Variants in PLB1 observed in about 807,000 individuals in gnomAD.
The protein encoded by PLB1 is phospholipase B1, membrane-associated.
PLB1 carries 242 observed loss-of-function variants against 227.4 expected under a neutral mutation model. The observed-to-expected ratio is 1.06, with a 90% confidence interval of 0.96 to 1.18. PLB1 has a LOEUF of 1.18. Among genes scored for constraint, PLB1 ranks in the 50% most tolerant of loss-of-function variants. The pLI is 0.00. For synonymous variants in PLB1, 757 were observed against 682.2 expected (o/e 1.11, Z -1.71); for missense variants, 1,858 against 1,816.3 (o/e 1.02, Z -0.42).
intron 25 of PLB1, 74 bp from the exon 26 acceptor site, chr2:28,585,687 C>A: frequency 8.2e-7 from 1 of 1,216,722 alleles, no homozygotes; most frequent in Non-Finnish European, 1.2e-6. Context: ...GAGTCTCAAG[C>A]CAGCGTTTCT....
At position 28,642,937 on chromosome 2, in the gene PLB1, G is replaced by A. The variant is rs577232334; in HGVS notation, c.4253G>A (p.Trp1418Ter). 2.5e-6 allele frequency: 4 copies of A among 1,609,178 alleles called. No individual in the cohort carries two copies. Among genetic ancestry groups the A allele is most frequent in the East Asian group, 2.2e-5 (1 of 44,728 alleles). The change falls in exon 58 of 58, where the codon TGG (tryptophan) becomes TAG (stop). Residue 1418 changes from tryptophan to a stop codon, truncating the protein, a stop_gained. Transcript: ENST00000327757. LOFTEE classifies it low-confidence loss of function (END_TRUNC). ...QAEEAPEVLY[W>*]AVPVAAGVGL... ...GAAGAAGCCCCCGAGGTGCTCTACTGGGCTGTCCCAGTGGCAGCGGGAGTC... is the reference window on the plus strand; with the variant it reads ...GAAGAAGCCCCCGAGGTGCTCTACTAGGCTGTCCCAGTGGCAGCGGGAGTC...
chr2:28,604,354 C>T (rs1002940762), intron 40 of PLB1, among the ~76,000 whole-genome samples: 6 of 152,220 alleles, frequency 3.9e-5, no homozygotes, highest in African/African-American at 1.2e-4. Flanking sequence ...TCCCCCACTC[C>T]CACTCCAAAG....
intron 22 of PLB1, 94 bp from the exon 23 acceptor site, chr2:28,579,533 G>A (rs1679558120): frequency 1.1e-6 from 1 of 945,116 alleles, no homozygotes; most frequent in African/African-American, 1.6e-5. Context: ...TCTGGTGTGT[G>A]AGGACCCATC....
At chr2:28,601,855 A>G in intron 37 of PLB1, 44 bp from the exon 38 acceptor site, 1 of 1,508,750 alleles carries the variant, frequency 6.6e-7, no homozygotes, top group Non-Finnish European at 9.2e-7. Context: ...CTGCCCTCCC[A>G]CCCTAACCAG....
At chr2:28,564,113 A>G (rs1676473030) in intron 18 of PLB1, among the ~76,000 whole-genome samples, 2 of 152,208 alleles carry the variant, frequency 1.3e-5, no homozygotes, top group South Asian at 4.1e-4. Context: ...ATGGTGACAC[A>G]TGCCTATAGT....
chr2:28,553,351 C>G (rs1430457052), intron 17 of PLB1, among the ~76,000 whole-genome samples: 1 of 152,170 alleles, frequency 6.6e-6, no homozygotes, highest in African/African-American at 2.4e-5. Flanking sequence ...GTCCATAGTC[C>G]CTGTCTGAGT....
chr2:28,577,489 C>T (rs1679175220), intron 21 of PLB1, among the ~76,000 whole-genome samples: 2 of 152,190 alleles, frequency 1.3e-5, no homozygotes, highest in African/African-American at 2.4e-5. Flanking sequence ...TTCTGTTTGC[C>T]CTGAACAAGC....
At chr2:28,627,390 G>A (rs1193747037) in intron 51 of PLB1, among the ~76,000 whole-genome samples, 1 of 152,188 alleles carries the variant, frequency 6.6e-6, no homozygotes, top group African/African-American at 2.4e-5. Flanking sequence ...CTGGCGTAGG[G>A]AAATGCCCTC....
intron 18 of PLB1, among the ~76,000 whole-genome samples, chr2:28,564,037 C>G (rs1676459831): frequency 6.6e-6 from 1 of 151,836 alleles, no homozygotes; most frequent in Admixed American, 6.6e-5. Flanking sequence ...GCCAGGGGGT[C>G]AAGGTGAGCC....
chr2:28,573,205 C>T lies in PLB1; in HGVS notation c.1333C>T (p.Arg445Trp), dbSNP rs775200088. The change falls in exon 21 of 58, where the codon CGG (arginine) becomes TGG (tryptophan). Residue 445 changes from arginine to tryptophan, a missense_variant. Coordinates refer to ENST00000327757, the MANE Select transcript of PLB1 (RefSeq NM_153021.5). ...GTVTTLANIL[R>W]EFNPSLKGFS... The stretch of plus-strand genomic sequence containing the variant: ...TTTCCTTGTATTTGCAGACATCCTC[C>T]GGGAATTCAACCCTTCCCTGAAGGG... 6.6e-5 allele frequency: 107 copies of T among 1,613,008 alleles called. No homozygotes were observed. The highest frequency in any genetic ancestry group is 3.0e-4 in the South Asian group (27 of 91,036).
intron 14 of PLB1, among the ~76,000 whole-genome samples, chr2:28,546,819 ACT>A (rs1403304953): frequency 6.6e-6 from 1 of 151,428 alleles, no homozygotes; most frequent in African/African-American, 2.4e-5. Context: ...AAAAAAATAG[ACT>A]CTGCTTTATC....
intron 4 of PLB1, 47 bp from the exon 5 acceptor site, chr2:28,525,220 T>C: frequency 6.3e-7 from 1 of 1,592,006 alleles, no homozygotes; most frequent in South Asian, 1.1e-5. Context: ...TAGAAGAGGC[T>C]CTGCCACCTC....
chr2:28,591,831 C>A, intron 31 of PLB1, 71 bp downstream of exon 31: 1 of 1,475,276 alleles, frequency 6.8e-7, no homozygotes, highest in Non-Finnish European at 9.4e-7. Flanking sequence ...AGTCCTCTGA[C>A]CTGACTTTCA....
At chr2:28,578,643 A>G (rs1245147116) in intron 22 of PLB1, among the ~76,000 whole-genome samples, 1 of 152,058 alleles carries the variant, frequency 6.6e-6, no homozygotes, top group Non-Finnish European at 1.5e-5. Flanking sequence ...AGTAGAGGAG[A>G]TGTTTGAGCC....
chr2:28,543,077 T>C, intron 13 of PLB1, 135 bp from the exon 14 acceptor site: 1 of 852,494 alleles, frequency 1.2e-6, no homozygotes, highest in Non-Finnish European at 1.7e-6. Context: ...CTGTTATTGA[T>C]GAGGGGCTGA....
chr2:28,593,682 C>T lies in PLB1; in HGVS notation c.2249C>T (p.Ala750Val). ...VVAALGDSLT[A>V]GNGIGSKPDD... The stretch of plus-strand genomic sequence containing the variant: ...ATGGACTCTGGTATATTTTCAAAGG[C>T]TGGCAATGGAATTGGCTCCAAACCA... Residue 750 changes from alanine to valine, a missense_variant and splice_region_variant, in exon 33 of 58, where the codon GCT becomes GTT. Physicochemically the swap from Ala to Val is moderately conservative, Grantham distance 64 (BLOSUM62 0). Transcript: ENST00000327757. 6.2e-7 allele frequency: 1 copy of T among 1,613,984 alleles called. No individual in the cohort carries two copies. The highest frequency in any genetic ancestry group is 8.5e-7 in the Non-Finnish European group (1 of 1,179,900).
At chr2:28,593,803 T>G (rs1682419342) in intron 33 of PLB1, 49 bp downstream of exon 33, 2 of 1,502,620 alleles carry the variant, frequency 1.3e-6, no homozygotes, top group Admixed American at 1.7e-5. Flanking sequence ...CAACAGAGAT[T>G]AGGTGTGGCT....
chr2:28,628,065 C>T (rs752301657), intron 51 of PLB1, among the ~76,000 whole-genome samples: 6 of 152,206 alleles, frequency 3.9e-5, no homozygotes, highest in Admixed American at 1.3e-4. Context: ...AAATCAGCCT[C>T]CTACTGGGGA....
rs970307904 is a variant in PLB1 at position 28,581,490 on chromosome 2, T to TA, written c.1567-575dup. Among the ~76,000 whole-genome samples, 37 of 12,634 alleles carry TA rather than the reference T, an allele frequency of 2.9e-3. 1 individual carries two copies. Among genetic ancestry groups the TA allele is most frequent in the Non-Finnish European group, 9.2e-3 (17 of 1,848 alleles). The allele number at this position is 12,634 out of a possible 152,430, so 8.3% of individuals were successfully genotyped here. On this transcript the variant is annotated intron_variant, in intron 23 of 57. Coordinates refer to ENST00000327757, the MANE Select transcript of PLB1 (RefSeq NM_153021.5). ...AGATCCAGAGCTCCACGCAAAAAAA[T>TA]AAATAAATAAATAAATAAATAAATA...
Sources: allele counts gnomAD v4.1 joint callset (sites outside exome capture counted in the v4.1 genomes callset), GRCh38; gene constraint gnomAD v4.1.1; transcripts MANE v1.5; gene names NCBI Gene and HGNC (gene_info 2026-07-23, HGNC 2026-07-21).